Variants in MGA observed in about 807,000 individuals in gnomAD.
MGA encodes the protein MAX dimerization protein MGA.
In MGA, 40 loss-of-function variants were observed where a neutral mutation model predicts 261.1. The ratio of observed to expected loss-of-function variants is 0.15; its 90% CI spans 0.12 to 0.20. The LOEUF (loss-of-function observed/expected upper bound fraction) is 0.20, where lower values mean the gene tolerates loss of function less well. Among genes scored for constraint, MGA ranks in the 10% least tolerant of loss-of-function variants. The pLI is 1.00. For missense variants in MGA, 3,397 were observed against 3,630.5 expected, an observed-to-expected ratio of 0.94 and a Z score of 1.65; for synonymous variants, 1,302 against 1,290.6, an observed-to-expected ratio of 1.01 and a Z score of -0.19.
In MGA at chr15:41,766,775, G is replaced by A; in HGVS notation, c.8693G>A (p.Ser2898Asn). The change falls in exon 24 of 24, where the codon AGT becomes AAT. Residue 2898 changes from serine (S) to asparagine (N), a missense_variant. By Grantham distance (46) the Ser-to-Asn change is conservative. Around this residue, in one of 9 missense-constraint regions of MGA, gnomAD observed 647 missense variants for 642.4 expected, o/e 1.01. Coordinates refer to ENST00000219905, the MANE Select transcript of MGA (RefSeq NM_001164273.2). Reference sequence around the variant, plus strand: ...GTTCAAGGGGAGAGTGACTCTATCAGTCCCCTCCTCTTGCACTTGGAAGAC... The same window carrying A: ...GTTCAAGGGGAGAGTGACTCTATCAATCCCCTCCTCTTGCACTTGGAAGAC... 1 of 1,613,982 alleles carries A rather than the reference G, an allele frequency of 6.2e-7. No individual in the cohort carries two copies. Among genetic ancestry groups the A allele is most frequent in the Non-Finnish European group, 8.5e-7 (1 of 1,179,884 alleles).
intron 11 of MGA, among the ~76,000 whole-genome samples, chr15:41,730,786 A>G (rs1302493475): frequency 1.3e-5 from 2 of 152,222 alleles, no homozygotes; most frequent in African/African-American, 4.8e-5. Flanking sequence ...TGCAACTGAT[A>G]ATATTCAAAG....
chr15:41,726,938 T>C (rs1228760055), intron 9 of MGA, among the ~76,000 whole-genome samples: 1 of 152,196 alleles, frequency 6.6e-6, no homozygotes, highest in Non-Finnish European at 1.5e-5. Context: ...CATAGCTGTG[T>C]TCATTCTAAT....
chr15:41,651,239 G>A (rs1468667024), intron 1 of MGA, among the ~76,000 whole-genome samples: 2 of 152,200 alleles, frequency 1.3e-5, no homozygotes, highest in Admixed American at 1.3e-4. Flanking sequence ...TAGAAATTAA[G>A]TTTCCAATGC....
chr15:41,662,677 C>T (rs1282453076), intron 1 of MGA, among the ~76,000 whole-genome samples: 1 of 152,050 alleles, frequency 6.6e-6, no homozygotes, highest in Non-Finnish European at 1.5e-5. Context: ...TATTTATATC[C>T]ACATTCTGTT....
intron 8 of MGA, among the ~76,000 whole-genome samples, chr15:41,712,454 G>GCTAT (rs967048801): frequency 1.3e-5 from 2 of 152,120 alleles, no homozygotes; most frequent in African/African-American, 4.8e-5. Flanking sequence ...CTGGGCTCAA[G>GCTAT]CTATCTGCCT....
intron 9 of MGA, among the ~76,000 whole-genome samples, chr15:41,726,070 C>T (rs1017404704): frequency 3.3e-5 from 5 of 152,004 alleles, no homozygotes; most frequent in Non-Finnish European, 5.9e-5. Flanking sequence ...TATGATTTTA[C>T]CTCAGTTGGG....
At chr15:41,656,338 CCTCTCTTCTCT>C (rs2057175267), upstream of MGA, among the ~76,000 whole-genome samples, 3 of 54,550 alleles carry the variant, frequency 5.5e-5, no homozygotes, top group East Asian at 1.5e-3. Context: ...CTCTCCCTCT[CCTCTCTTCTCT>C]CTCTCTCTCT....
chr15:41,623,658 C>T lies in MGA; in HGVS notation c.-68+2360C>T, dbSNP rs532423548. Among the ~76,000 whole-genome samples the T allele has an allele frequency of 5.4e-5, 8 of 148,982 alleles. No homozygotes were observed. The South Asian group carries it at 6.3e-4, about 12-fold the overall frequency. ...ACTTGGGATGCTTGAACCGGGGAGG[C>T]GGAGGTTGCGGTGAGTGGAGATCGC... On this transcript the variant is annotated intron_variant, in intron 1 of 8. Transcript: ENST00000566718.
chr15:41,628,466 A>G (rs995400948), intron 1 of MGA, among the ~76,000 whole-genome samples: 6 of 151,800 alleles, frequency 4.0e-5, no homozygotes, highest in Non-Finnish European at 8.8e-5. Flanking sequence ...TTGCCAGGCA[A>G]GGCTTCTCTG....
chr15:41,707,586 T>G (rs1465938046), intron 5 of MGA, 142 bp from the exon 6 acceptor site: 2 of 738,548 alleles, frequency 2.7e-6, no homozygotes, highest in African/African-American at 3.6e-5. Context: ...TTTGTTTTTT[T>G]CATTGTTTTT....
intron 15 of MGA, among the ~76,000 whole-genome samples, chr15:41,745,612 A>G (rs1595949483): frequency 1.3e-5 from 2 of 152,168 alleles, no homozygotes; most frequent in Non-Finnish European, 2.9e-5. Flanking sequence ...ATATCTATAT[A>G]TAGAGAGAGA....
intron 5 of MGA, among the ~76,000 whole-genome samples, chr15:41,703,316 G>T: frequency 6.8e-6 from 1 of 146,376 alleles, no homozygotes; most frequent in African/African-American, 2.5e-5. Context: ...CACTATTGAT[G>T]TTGACCTTGA....
intron 1 of MGA, among the ~76,000 whole-genome samples, chr15:41,635,957 T>G (rs1348083843): frequency 6.6e-6 from 1 of 152,122 alleles, no homozygotes; most frequent in Non-Finnish European, 1.5e-5. Context: ...TTACATATAG[T>G]ATATAATAAT....
At chr15:41,690,041 C>T (rs2059190636) in intron 2 of MGA, among the ~76,000 whole-genome samples, 1 of 152,164 alleles carries the variant, frequency 6.6e-6, no homozygotes, top group Non-Finnish European at 1.5e-5. Context: ...AGTTTTAGGA[C>T]ATTACCAGCA....
Position 41,766,864 on chromosome 15 carries a change from A to T in MGA, c.8782A>T (p.Ile2928Phe), listed in dbSNP as rs773667302. ...AGCCTCTGAGCCAGATGTCCTTAAG[A>T]TTGTTATTGACTCTGAAATAAAGGA... Residue 2928 changes from isoleucine (I) to phenylalanine (F), a missense_variant, in exon 24 of 24, where the codon ATT (isoleucine) becomes TTT (phenylalanine). Coordinates refer to ENST00000219905, the MANE Select transcript of MGA (RefSeq NM_001164273.2). The T allele has an allele frequency of 3.4e-5, 55 of 1,613,882 alleles. No homozygotes were observed. The highest frequency in any genetic ancestry group is 4.5e-5 in the Non-Finnish European group (53 of 1,179,900).
At chr15:41,718,603 G>GT (rs971503609) in intron 9 of MGA, 1 of 331,282 alleles carries the variant, frequency 3.0e-6, no homozygotes, top group African/African-American at 2.1e-5. Flanking sequence ...TCAATAAGAT[G>GT]TTTTGGGATT....
rs553144318 is a variant in MGA at position 41,696,464 on chromosome 15, A to G, written c.1454A>G (p.Glu485Gly). 1 of 1,613,994 alleles carries G rather than the reference A, an allele frequency of 6.2e-7. No individual in the cohort carries two copies. The highest frequency in any genetic ancestry group is 2.2e-5 in the East Asian group (1 of 44,888). Residue 485 changes from glutamate (E) to glycine (G), a missense_variant, in exon 3 of 24, where the codon GAA becomes GGA. By Grantham distance (98) the Glu-to-Gly change is moderately conservative. This residue lies in a region of MGA where 563 missense variants were observed against 563.6 expected (regional missense o/e 1.00). Coordinates refer to ENST00000219905, the MANE Select transcript of MGA (RefSeq NM_001164273.2). The stretch of plus-strand genomic sequence containing the variant: ...ACCAGAAGCACAGTTAAGATTTCTG[A>G]ACTCCCCGATAACATGCTTTCCACA...
intron 1 of MGA, among the ~76,000 whole-genome samples, chr15:41,623,892 A>G (rs2056377451): frequency 6.6e-6 from 1 of 150,926 alleles, no homozygotes; most frequent in South Asian, 2.1e-4. Context: ...CAGACTCCCG[A>G]GTAGCTGGGA....
chr15:41,758,081 T>A (rs76349358), intron 19 of MGA, among the ~76,000 whole-genome samples: 2,003 of 152,210 alleles, frequency 0.013, 50 homozygotes, highest in African/African-American at 0.046. Context: ...GGATATGAAA[T>A]TTATGAGAAT....
Sources: gnomAD v4.1 joint callset for allele counts (sites outside exome capture counted in the v4.1 genomes callset) on GRCh38, gnomAD v4.1.1 for gene constraint, gnomAD v4.1.1 regional missense constraint, MANE v1.5 for transcripts, NCBI Gene and HGNC (gene_info 2026-07-23, HGNC 2026-07-21) for gene names.